DPP10: variants seen among roughly 807,000 people sequenced by gnomAD.
DPP10 encodes dipeptidyl peptidase like 10.
In DPP10, 33 loss-of-function variants were observed where a neutral mutation model predicts 120.9. The observed-to-expected ratio is 0.27, with a 90% confidence interval of 0.21 to 0.37. DPP10 has a LOEUF of 0.37. DPP10 is among the 10% of genes least tolerant of loss of function. DPP10 has a pLI of 1.00. For missense variants in DPP10, 816 were observed against 942.8 expected (o/e 0.87, Z 1.76); for synonymous variants, 337 against 326.1 (o/e 1.03, Z -0.36).
chr2:115,834,552 T>G (rs1049344139), intron 21 of DPP10, among the ~76,000 whole-genome samples: 15 of 151,248 alleles, frequency 9.9e-5, no homozygotes, highest in Admixed American at 9.3e-4. Flanking sequence ...CCTCTGGAAC[T>G]TTTCTAGTCA....
chr2:115,315,835 C>G (rs550120328), intron 2 of DPP10, among the ~76,000 whole-genome samples: 59 of 152,054 alleles, frequency 3.9e-4, no homozygotes, highest in African/African-American at 1.3e-3. Context: ...AACAGTTTCC[C>G]CCTGGATAAT....
intron 4 of DPP10, among the ~76,000 whole-genome samples, chr2:115,501,136 C>A (rs2076661685): frequency 6.6e-6 from 1 of 151,804 alleles, no homozygotes; most frequent in Non-Finnish European, 1.5e-5. Context: ...GATTCTAGGC[C>A]CTCAGTAGCC....
chr2:115,300,359 A>G (rs2105972085), intron 1 of DPP10, among the ~76,000 whole-genome samples: 1 of 152,204 alleles, frequency 6.6e-6, no homozygotes, highest in South Asian at 2.1e-4. Context: ...TCCCCTTAAC[A>G]CAGTGTTTTT....
intron 1 of DPP10, among the ~76,000 whole-genome samples, chr2:114,879,237 C>T (rs981999229): frequency 7.3e-5 from 11 of 151,278 alleles, no homozygotes; most frequent in Non-Finnish European, 8.8e-5. Context: ...GGCATGAGTG[C>T]GAAATATTTT....
At chr2:114,554,309 T>C (rs554374328) in intron 1 of DPP10, among the ~76,000 whole-genome samples, 9 of 152,328 alleles carry the variant, frequency 5.9e-5, no homozygotes, top group African/African-American at 2.2e-4. Flanking sequence ...TTGGCTCAGG[T>C]GCAGGGGATG....
intron 1 of DPP10, among the ~76,000 whole-genome samples, chr2:114,851,186 A>G (rs544764498): frequency 6.6e-6 from 1 of 152,306 alleles, no homozygotes; most frequent in South Asian, 2.1e-4. Flanking sequence ...TATTTCTAAC[A>G]GCAATTTAGG....
intron 5 of DPP10, among the ~76,000 whole-genome samples, chr2:115,587,089 C>CTTT (rs756810925): frequency 0.012 from 1,211 of 103,886 alleles, 51 homozygotes; most frequent in East Asian, 0.036. Context: ...TTTTCTCTTT[C>CTTT]TTTTTTTTTT....
At chr2:115,523,056 T>C (rs1243540740) in intron 4 of DPP10, among the ~76,000 whole-genome samples, 2 of 152,120 alleles carry the variant, frequency 1.3e-5, no homozygotes. Context: ...ACGTTTCTTA[T>C]TCGTGTATCA....
At chr2:114,986,707 A>C (rs1313394884) in intron 1 of DPP10, among the ~76,000 whole-genome samples, 1 of 152,244 alleles carries the variant, frequency 6.6e-6, no homozygotes, top group Non-Finnish European at 1.5e-5. Flanking sequence ...GAATCCAAGC[A>C]TTTTGAGTAT....
rs549026909 is a variant in DPP10, at chr2:115,553,614, AT to A, written c.441+27644del. On this transcript the variant is annotated intron_variant, in intron 5 of 25. Transcript: ENST00000410059. ...AAAAGGATCCTAATTAGATCAGGAC[AT>A]TGATTAAATGCATTAGTGAGTAAAC... Among the ~76,000 whole-genome samples the A allele has an allele frequency of 1.0e-3, 154 of 152,172 alleles. 1 individual carries two copies. Among genetic ancestry groups the A allele is most frequent in the African/African-American group, 3.4e-3 (143 of 41,564 alleles).
rs534171952 is a variant in DPP10, at chr2:115,836,397, G to C, written c.2051-110G>C. Reference sequence around the variant, plus strand: ...AGCTGTTTATCTCCTCCTTGATTCAGCTGATTTTACTAAAGCATGACAATT... The same window carrying C: ...AGCTGTTTATCTCCTCCTTGATTCACCTGATTTTACTAAAGCATGACAATT... On this transcript the variant is annotated intron_variant, in intron 22 of 25. Transcript: ENST00000410059. 2.4e-5 allele frequency: 35 copies of C among 1,446,448 alleles called. No individual in the cohort carries two copies. In the African/African-American group the frequency reaches 4.8e-4, roughly 20 times the overall value. 89.6% of individuals were successfully genotyped at this position (1,446,448 alleles called of 1,614,324 possible). A position where few individuals can be genotyped will look rare whatever the true frequency, so the allele number is the denominator to read the frequency against.
chr2:114,525,844 TA>T (rs1685453649), intron 1 of DPP10, among the ~76,000 whole-genome samples: 1 of 152,200 alleles, frequency 6.6e-6, no homozygotes, highest in Non-Finnish European at 1.5e-5. Flanking sequence ...TTAGTCTTTC[TA>T]GAACTCTTTA....
chr2:115,261,271 C>T (rs1364180951), intron 1 of DPP10, among the ~76,000 whole-genome samples: 10 of 152,088 alleles, frequency 6.6e-5, no homozygotes, highest in Admixed American at 5.2e-4. Flanking sequence ...TTTCTTAAGT[C>T]GGCTAGAAGA....
intron 1 of DPP10, among the ~76,000 whole-genome samples, chr2:114,661,718 G>T (rs1697418457): frequency 6.6e-6 from 1 of 152,112 alleles, no homozygotes; most frequent in Non-Finnish European, 1.5e-5. Context: ...AAGAAACAGG[G>T]CATTTATAAC....
chr2:115,415,841 TTATATATATATATATATATATATA>T (rs70941057), intron 3 of DPP10, among the ~76,000 whole-genome samples: 56 of 74,288 alleles, frequency 7.5e-4, no homozygotes, highest in Admixed American at 1.5e-3. Flanking sequence ...TGATTTGCTT[TTATATATATATATATATATATATA>T]TATATATATA....
At chr2:114,774,655 CA>C (rs1243235630) in intron 1 of DPP10, among the ~76,000 whole-genome samples, 2 of 147,052 alleles carry the variant, frequency 1.4e-5, no homozygotes. Context: ...CCATAATTAT[CA>C]ATAATGATGT....
intron 1 of DPP10, among the ~76,000 whole-genome samples, chr2:114,881,197 C>G (rs894977850): frequency 1.6e-4 from 24 of 152,230 alleles, no homozygotes; most frequent in Admixed American, 5.2e-4. Flanking sequence ...CAGTAGCCCA[C>G]TGTGCTCTTG....
chr2:114,658,511 G>C (rs1385561701), intron 1 of DPP10, among the ~76,000 whole-genome samples: 2 of 152,094 alleles, frequency 1.3e-5, no homozygotes, highest in South Asian at 2.1e-4. Context: ...TACCATAAAG[G>C]CTACAAAAAT....
intron 1 of DPP10, among the ~76,000 whole-genome samples, chr2:114,530,750 C>A (rs1463785807): frequency 1.3e-5 from 2 of 152,010 alleles, no homozygotes; most frequent in Non-Finnish European, 2.9e-5. Flanking sequence ...CAAAAAAATA[C>A]TAAGGAGATA....
Sources: allele counts gnomAD v4.1 joint callset (sites outside exome capture counted in the v4.1 genomes callset), GRCh38; gene constraint gnomAD v4.1.1; transcripts MANE v1.5; gene names NCBI Gene and HGNC (gene_info 2026-07-23, HGNC 2026-07-21).